Variants in ATP10A observed in about 807,000 individuals in gnomAD.
The protein encoded by ATP10A is phospholipid-transporting ATPase VA.
ATP10A carries 111 observed loss-of-function variants against 147.8 expected under a neutral mutation model. The observed-to-expected ratio is 0.75, with a 90% CI of 0.64 to 0.88. ATP10A has a LOEUF of 0.88. Ranked by LOEUF, ATP10A falls within the 40% of genes least tolerant of loss-of-function variation. The probability of loss-of-function intolerance (pLI) is 0.00; values close to 1 mark genes in which losing one functional copy is unlikely to be tolerated. For missense variants in ATP10A, 1,927 were observed against 1,959.0 expected (o/e 0.98, Z 0.31); for synonymous variants, 875 against 841.6 (o/e 1.04, Z -0.69).
At chr15:25,831,914 C>T (rs1321649378) in intron 1 of ATP10A, among the ~76,000 whole-genome samples, 2 of 152,134 alleles carry the variant, frequency 1.3e-5, no homozygotes, top group Non-Finnish European at 2.9e-5. Flanking sequence ...AATAGTGTCC[C>T]CCAAAATTCA....
At position 25,790,906 on chromosome 15, in the gene ATP10A, A is replaced by G. The variant is rs145677763; in HGVS notation, c.450-9683T>C. On this transcript the variant is annotated intron_variant, in intron 1 of 20. Transcript: ENST00000555815. ...CATTAATTCATTCATTGGTATGACA[A>G]TCCCAGGAAATGGGCCGGAGTTGTG... Among the ~76,000 whole-genome samples, 297 of 152,272 alleles carry G rather than the reference A, an allele frequency of 2.0e-3. 4 individuals carry two copies. The highest frequency in any genetic ancestry group is 6.9e-3 in the African/African-American group (288 of 41,546).
At chr15:25,734,564 C>G (rs1887154223) in intron 3 of ATP10A, among the ~76,000 whole-genome samples, 2 of 152,100 alleles carry the variant, frequency 1.3e-5, no homozygotes, top group South Asian at 4.1e-4. Context: ...GGCAAGGGAT[C>G]AAGGAGGCCT....
intron 1 of ATP10A, among the ~76,000 whole-genome samples, chr15:25,800,741 G>A (rs920730025): frequency 1.3e-5 from 2 of 152,168 alleles, no homozygotes; most frequent in Non-Finnish European, 2.9e-5. Flanking sequence ...CCACTCTGGG[G>A]GCCCCTGAGG....
intron 15 of ATP10A, among the ~76,000 whole-genome samples, chr15:25,689,145 C>T (rs1363382809): frequency 6.6e-6 from 1 of 152,232 alleles, no homozygotes; most frequent in Non-Finnish European, 1.5e-5. Flanking sequence ...GCCTGGCTTG[C>T]CAGCCTTCTG....
chr15:25,840,769 C>T (rs947339960), intron 1 of ATP10A, among the ~76,000 whole-genome samples: 8 of 152,036 alleles, frequency 5.3e-5, no homozygotes, highest in African/African-American at 1.4e-4. Flanking sequence ...CCCACAGCAA[C>T]GTAGGAGAGA....
rs753395632 is a variant in ATP10A at position 25,679,643 on chromosome 15, C to G, written c.4198G>C (p.Glu1400Gln). 3.1e-6 allele frequency: 5 copies of G among 1,613,376 alleles called. No homozygotes were observed. The highest frequency in any genetic ancestry group is 3.4e-6 in the Non-Finnish European group (4 of 1,179,994). Residue 1400 changes from glutamate to glutamine, a missense_variant, in exon 21 of 21, where the codon GAG (glutamate) becomes CAG (glutamine). By Grantham distance (29) the Glu-to-Gln change is conservative (BLOSUM62 2). Transcript: ENST00000555815. ...APAPMSSAPG[E>Q]AVLRSPGGCP... ...CCTCCTGGACTCCTCAGGACAGCCT[C>G]CCCTGGCGCAGAGGACATGGGGGCC... is the stretch of plus-strand genomic sequence containing the variant.
chr15:25,680,852 C>T lies in ATP10A; in HGVS notation c.3636G>A (p.Leu1212=), dbSNP rs937280778. The change falls in exon 19 of 21, where the codon CTG becomes CTA. Residue 1212 remains leucine (L), a synonymous_variant. Transcript: ENST00000555815. ...TGCCCAGGTGGAGCAGGAAAGTGAG[C>T]AGCGCGATTGTCACAATAGGGGTCC... is the stretch of plus-strand genomic sequence containing the variant. The part of the protein sequence containing the change: ...TWGTPIVTIA[L]LTFLLHLGIE... 1.2e-5 allele frequency: 20 copies of T among 1,613,840 alleles called. No homozygotes were observed. Among genetic ancestry groups the T allele is most frequent in the Middle Eastern group, 1.7e-4 (1 of 5,952 alleles).
intron 2 of ATP10A, among the ~76,000 whole-genome samples, chr15:25,779,845 A>AACACACACACACACACACACACACAC (rs56111172): frequency 6.8e-6 from 1 of 147,280 alleles, no homozygotes; most frequent in Non-Finnish European, 1.5e-5. Flanking sequence ...AGAAGGTTAA[A>AACACACACACACACACACACACACAC]ACACACACAC....
chr15:25,787,150 G>C (rs1890209211), intron 1 of ATP10A, among the ~76,000 whole-genome samples: 1 of 152,066 alleles, frequency 6.6e-6, no homozygotes, highest in East Asian at 1.9e-4. Context: ...CCAGGGTCTG[G>C]GAAGCCTTAG....
At position 25,678,819 on chromosome 15, in the gene ATP10A, A is replaced by G. The variant is rs1243988147; in HGVS notation, c.*522T>C. 6.6e-6 allele frequency: 1 copy of G among 152,246 alleles called. No homozygotes were observed. The highest frequency in any genetic ancestry group is 1.5e-5 in the Non-Finnish European group (1 of 68,054). The allele number at this position is 152,246 out of a possible 1,614,324, so 9.4% of individuals were successfully genotyped here. A position where few individuals can be genotyped will look rare whatever the true frequency, so the allele number is the denominator to read the frequency against. On this transcript the variant is annotated 3_prime_UTR_variant, in exon 21 of 21. Coordinates refer to ENST00000555815, the MANE Select transcript of ATP10A (RefSeq NM_024490.4). Reference sequence around the variant, plus strand: ...TCTTCCTGAAATGCCTGCCCGGAACAGAATGCTGGGATGCACTCAACTGTG... The same window carrying G: ...TCTTCCTGAAATGCCTGCCCGGAACGGAATGCTGGGATGCACTCAACTGTG...
intron 16 of ATP10A, among the ~76,000 whole-genome samples, chr15:25,685,256 G>C (rs1899647861): frequency 6.6e-6 from 1 of 152,082 alleles, no homozygotes; most frequent in Admixed American, 6.5e-5. Context: ...GATTATCCTT[G>C]AACTCCTCAT....
intron 2 of ATP10A, among the ~76,000 whole-genome samples, chr15:25,757,721 G>T (rs1334950077): frequency 6.6e-6 from 1 of 152,206 alleles, no homozygotes; most frequent in Non-Finnish European, 1.5e-5. Context: ...TTAGATATGA[G>T]TTCTAAATTT....
intron 1 of ATP10A, among the ~76,000 whole-genome samples, chr15:25,801,116 G>A (rs1299161274): frequency 2.0e-5 from 3 of 152,174 alleles, no homozygotes; most frequent in Non-Finnish European, 2.9e-5. Flanking sequence ...CCCAAGGCTG[G>A]TTGTGGGGTC....
In ATP10A at chr15:25,679,599, C is replaced by T; in HGVS notation, c.4242G>A (p.Lys1414=). The part of the protein sequence containing the change: ...RSPGGCPEES[K]VRAASTGRVT... ...CCCTGCCGGTGCTGGCAGCTCTCAC[C>T]TTGGACTCCTCAGGACACCCTCCTG... Residue 1414 remains lysine, a synonymous_variant, in exon 21 of 21, where the codon AAG becomes AAA. Transcript: ENST00000555815. 6.2e-7 allele frequency: 1 copy of T among 1,611,278 alleles called. No individual in the cohort carries two copies. The highest frequency in any genetic ancestry group is 8.5e-7 in the Non-Finnish European group (1 of 1,178,120).
At chr15:25,711,953 T>C (rs1901448683) in intron 10 of ATP10A, among the ~76,000 whole-genome samples, 2 of 152,194 alleles carry the variant, frequency 1.3e-5, no homozygotes, top group South Asian at 2.1e-4. Flanking sequence ...AGGAAATCCC[T>C]GGCTCACTCA....
At chr15:25,803,916 A>G (rs1451731876) in intron 1 of ATP10A, among the ~76,000 whole-genome samples, 1 of 152,182 alleles carries the variant, frequency 6.6e-6, no homozygotes, top group Non-Finnish European at 1.5e-5. Flanking sequence ...CTTCACCCCA[A>G]GACACATGTG....
intron 12 of ATP10A, among the ~76,000 whole-genome samples, chr15:25,705,008 CG>C (rs922591589): frequency 1.3e-5 from 2 of 152,096 alleles, no homozygotes; most frequent in African/African-American, 2.4e-5. Context: ...GCAAGGACGC[CG>C]GGGAAAATGA....
chr15:25,850,977 C>A, intron 1 of ATP10A, among the ~76,000 whole-genome samples: 1 of 152,064 alleles, frequency 6.6e-6, no homozygotes, highest in East Asian at 1.9e-4. Flanking sequence ...CTTTTAGAAG[C>A]AGTGGTTTCC....
chr15:25,756,511 C>T (rs1462101764), intron 2 of ATP10A, among the ~76,000 whole-genome samples: 1 of 152,008 alleles, frequency 6.6e-6, no homozygotes, highest in Non-Finnish European at 1.5e-5. Context: ...GGTGTGGTGG[C>T]GGGCACCTGT....
Sources: gnomAD v4.1 joint callset for allele counts (sites outside exome capture counted in the v4.1 genomes callset) on GRCh38, gnomAD v4.1.1 for gene constraint, MANE v1.5 for transcripts, NCBI Gene and HGNC (gene_info 2026-07-23, HGNC 2026-07-21) for gene names.